The following ST3GAL1 variants were observed in gnomAD, a reference collection of about 807,000 sequenced individuals.
The protein encoded by ST3GAL1 is CMP-N-acetylneuraminate-beta-galactosamide-alpha-2,3-sialyltransferase 1.
ST3GAL1 carries 16 observed loss-of-function variants against 34.1 expected under a neutral mutation model. That is an observed-to-expected ratio of 0.47 (90% confidence interval 0.32 to 0.71). The LOEUF (loss-of-function observed/expected upper bound fraction) is 0.71. Among genes scored for constraint, ST3GAL1 ranks in the 30% least tolerant of loss-of-function variants. The probability of loss-of-function intolerance (pLI) is 0.04; values close to 1 mark genes in which losing one functional copy is unlikely to be tolerated. For synonymous variants in ST3GAL1, 191 were observed against 184.7 expected (o/e 1.03, Z -0.28); for missense variants, 353 against 447.4 (o/e 0.79, Z 1.90).
intron 2 of ST3GAL1, among the ~76,000 whole-genome samples, chr8:133,531,339 A>T (rs1216848041): frequency 6.6e-6 from 1 of 152,166 alleles, no homozygotes; most frequent in Non-Finnish European, 1.5e-5. Context: ...TATGTATGTG[A>T]TATGTGTGTG....
At chr8:133,475,028 A>G (rs34224475) in intron 5 of ST3GAL1, among the ~76,000 whole-genome samples, 1 of 152,212 alleles carries the variant, frequency 6.6e-6, no homozygotes, top group South Asian at 2.1e-4. Context: ...ATCTGTGAGC[A>G]TGACATTTGG....
chr8:133,489,022 T>C (rs903262499), intron 3 of ST3GAL1, among the ~76,000 whole-genome samples: 6 of 152,282 alleles, frequency 3.9e-5, no homozygotes, highest in African/African-American at 1.4e-4. Context: ...CAAGGGCTGA[T>C]GGTCCCTTGC....
intron 2 of ST3GAL1, among the ~76,000 whole-genome samples, chr8:133,535,421 T>C (rs1040825343): frequency 2.0e-5 from 3 of 152,222 alleles, no homozygotes; most frequent in African/African-American, 7.2e-5. Flanking sequence ...TGTTATTGTC[T>C]TTACTAATCG....
chr8:133,469,619 C>A lies in ST3GAL1; in HGVS notation c.307-3529G>T, dbSNP rs1348867896. Reference sequence around the variant, plus strand: ...GAAGTAAAATGGTAGTTGTACAATGCAATGAAAACAAAACTACTGTATTCG... The same window carrying A: ...GAAGTAAAATGGTAGTTGTACAATGAAATGAAAACAAAACTACTGTATTCG... On this transcript the variant is annotated intron_variant, in intron 5 of 9. Coordinates refer to ENST00000522652, the MANE Select transcript of ST3GAL1 (RefSeq NM_173344.3). This position sits in a 1 kb window ranked among gnomAD's most constrained non-coding sequence, Gnocchi z 4.3. Among the ~76,000 whole-genome samples, 2 of 152,212 alleles carry A rather than the reference C, an allele frequency of 1.3e-5. No individual in the cohort carries two copies. Among genetic ancestry groups the A allele is most frequent in the East Asian group, 3.8e-4 (2 of 5,198 alleles).
chr8:133,492,253 T>C (rs779541073), intron 3 of ST3GAL1, among the ~76,000 whole-genome samples: 1 of 152,098 alleles, frequency 6.6e-6, no homozygotes, highest in Admixed American at 6.5e-5. Flanking sequence ...CTAGTATTGA[T>C]GTCTCCCCAA....
rs111453246 is a variant in ST3GAL1 at position 133,475,308 on chromosome 8, G to T, written c.306+411C>A. 9.2e-5 allele frequency among the ~76,000 whole-genome samples: 14 copies of T among 152,356 alleles called. No homozygotes were observed. The East Asian group carries it at 2.7e-3, about 29-fold the overall frequency. ...GCTTCCCCCTCAGAGCCTCCAGGAG[G>T]AGCCAAGTCTGCCCATAATTTGTTT... On this transcript the variant is annotated intron_variant, in intron 5 of 9. Coordinates refer to ENST00000522652, the MANE Select transcript of ST3GAL1 (RefSeq NM_173344.3).
At chr8:133,561,281 G>A (rs1227822156) in intron 1 of ST3GAL1, among the ~76,000 whole-genome samples, 4 of 151,966 alleles carry the variant, frequency 2.6e-5, no homozygotes, top group Admixed American at 2.6e-4. Flanking sequence ...GCAAGAAAAG[G>A]ATTTACATGC....
At position 133,459,453 on chromosome 8, in the gene ST3GAL1, C is replaced by T. The variant is rs149496241; in HGVS notation, c.*311G>A. 697 of 248,982 alleles carry T rather than the reference C, an allele frequency of 2.8e-3. 3 individuals carry two copies. Among genetic ancestry groups the T allele is most frequent in the African/African-American group, 0.014 (628 of 45,036 alleles). The allele number at this position is 248,982 out of a possible 1,614,324, so 15.4% of individuals were successfully genotyped here. On this transcript the variant is annotated 3_prime_UTR_variant, in exon 10 of 10. Transcript: ENST00000522652. The surrounding 1 kb of genome is among the most constrained non-coding windows in gnomAD (Gnocchi z 4.7). The stretch of plus-strand genomic sequence containing the variant: ...TTCCACATTCATTCCCCAAGCTTGC[C>T]CCAGGAGCCAAAATGATTTTAGTGT...
rs528102745 is a variant in ST3GAL1 at position 133,467,788 on chromosome 8, C to T, written c.307-1698G>A. The stretch of plus-strand genomic sequence containing the variant: ...GAGATCCCGGGGCACCCAGTCCCCA[C>T]TGCAATGGAAGGAATCGGATGCCCC... On this transcript the variant is annotated intron_variant, in intron 5 of 9. Transcript: ENST00000522652. This position sits in a 1 kb window ranked among gnomAD's most constrained non-coding sequence, Gnocchi z 4.2. Among the ~76,000 whole-genome samples, 120 of 152,280 alleles carry T rather than the reference C, an allele frequency of 7.9e-4. 4 individuals carry two copies. In the South Asian group the frequency reaches 0.024, roughly 30 times the overall value.
intron 1 of ST3GAL1, among the ~76,000 whole-genome samples, chr8:133,568,639 T>C (rs1249908401): frequency 6.6e-6 from 1 of 151,956 alleles, no homozygotes; most frequent in African/African-American, 2.4e-5. Context: ...TTTAGATCCC[T>C]GGCCAAAGCT....
chr8:133,502,254 C>T (rs904975544), intron 2 of ST3GAL1, among the ~76,000 whole-genome samples: 4 of 152,086 alleles, frequency 2.6e-5, no homozygotes, highest in African/African-American at 9.7e-5. Context: ...AAGAGCCCTG[C>T]AGAATTGGCC....
At chr8:133,481,708 C>G (rs1208962241) in intron 3 of ST3GAL1, among the ~76,000 whole-genome samples, 1 of 152,046 alleles carries the variant, frequency 6.6e-6, no homozygotes, top group African/African-American at 2.4e-5. Context: ...GTTGGTCAGG[C>G]TGGTCTCGAA....
chr8:133,558,460 C>T (rs1586669624), intron 1 of ST3GAL1, among the ~76,000 whole-genome samples: 1 of 152,146 alleles, frequency 6.6e-6, no homozygotes, highest in East Asian at 1.9e-4. Flanking sequence ...ATCAAGGAAT[C>T]AATGAAAGAC....
At chr8:133,542,843 C>T (rs1461513100) in intron 2 of ST3GAL1, among the ~76,000 whole-genome samples, 2 of 145,810 alleles carry the variant, frequency 1.4e-5, no homozygotes, top group East Asian at 2.0e-4. Context: ...AGTAGGAAAC[C>T]AACTAATAAA....
chr8:133,521,673 C>A (rs553661722), intron 2 of ST3GAL1, among the ~76,000 whole-genome samples: 6 of 152,218 alleles, frequency 3.9e-5, no homozygotes, highest in African/African-American at 1.4e-4. Flanking sequence ...ATTAATTAAA[C>A]CATGATATGT....
At chr8:133,533,961 C>G (rs1818229917) in intron 2 of ST3GAL1, among the ~76,000 whole-genome samples, 1 of 152,146 alleles carries the variant, frequency 6.6e-6, no homozygotes, top group African/African-American at 2.4e-5. Context: ...GAAATATTAA[C>G]ACAATACAAC....
At chr8:133,499,023 A>T (rs1817065949) in intron 3 of ST3GAL1, 112 bp downstream of exon 3, 1 of 152,274 alleles carries the variant, frequency 6.6e-6, no homozygotes, top group African/African-American at 2.4e-5. Context: ...CCATCAAAAC[A>T]GAAAACAAAG....
chr8:133,495,288 G>A (rs1269482321), intron 3 of ST3GAL1, among the ~76,000 whole-genome samples: 1 of 152,054 alleles, frequency 6.6e-6, no homozygotes, highest in African/African-American at 2.4e-5. Context: ...AGGATTCCCC[G>A]TGCAACTAAG....
intron 1 of ST3GAL1, among the ~76,000 whole-genome samples, chr8:133,559,409 T>A (rs538355793): frequency 2.6e-5 from 4 of 152,298 alleles, no homozygotes; most frequent in Admixed American, 2.0e-4. Flanking sequence ...TGTTTTCCAT[T>A]TGAAGCTTCT....
Sources: allele counts gnomAD v4.1 joint callset (sites outside exome capture counted in the v4.1 genomes callset), GRCh38; gene constraint gnomAD v4.1.1; non-coding constraint Gnocchi (gnomAD v3.1); transcripts MANE v1.5; gene names NCBI Gene and HGNC (gene_info 2026-07-23, HGNC 2026-07-21).